Variants in KMT2C observed in about 807,000 individuals in gnomAD.
The protein encoded by KMT2C is lysine methyltransferase 2C.
Under a neutral mutation model 507.9 loss-of-function variants are expected in KMT2C, and 88 were observed. The observed-to-expected ratio is 0.17, with a 90% CI of 0.15 to 0.21. The LOEUF (loss-of-function observed/expected upper bound fraction) is 0.21, where lower values mean the gene tolerates loss of function less well. KMT2C is among the 10% of genes least tolerant of loss of function. The pLI is 1.00. For missense variants in KMT2C, 4,954 were observed against 5,957.8 expected (o/e 0.83, Z 5.55); for synonymous variants, 2,049 against 2,080.8 (o/e 0.98, Z 0.42).
intron 1 of KMT2C, among the ~76,000 whole-genome samples, chr7:152,366,463 A>G (rs1166995352): frequency 6.6e-6 from 1 of 152,216 alleles, no homozygotes; most frequent in Non-Finnish European, 1.5e-5. Flanking sequence ...AACCTTGACA[A>G]CAATCTCCTA....
chr7:152,435,677 C>G lies in KMT2C; in HGVS notation c.110G>C (p.Arg37Pro), dbSNP rs1270352611. 1.3e-6 allele frequency: 2 copies of G among 1,548,406 alleles called. No homozygotes were observed. Among genetic ancestry groups the G allele is most frequent in the Non-Finnish European group, 8.7e-7 (1 of 1,146,768 alleles). Residue 37 changes from arginine to proline, a missense_variant, in exon 1 of 59, where the codon CGG (arginine) becomes CCG (proline). Physicochemically the swap from Arg to Pro is moderately radical, Grantham distance 103. Transcript: ENST00000262189. Reference protein sequence around the residue: ...PSPAAADKRPRGRPRKDGASP... With the variant: ...PSPAAADKRPPGRPRKDGASP... ...AGCGCCATCTTTGCGAGGCCGGCCC[C>G]GAGGTCTTTTGTCTGCGGCTGCGGG...
At chr7:152,248,887 C>T (rs965742291) in intron 13 of KMT2C, among the ~76,000 whole-genome samples, 2 of 152,040 alleles carry the variant, frequency 1.3e-5, no homozygotes, top group South Asian at 2.1e-4. Flanking sequence ...AGTTCTCATA[C>T]TCATTTTTTA....
At chr7:152,427,350 C>A (rs2116768322) in intron 1 of KMT2C, among the ~76,000 whole-genome samples, 1 of 152,232 alleles carries the variant, frequency 6.6e-6, no homozygotes, top group East Asian at 1.9e-4. Context: ...TCTTCCCAAT[C>A]TTTTTATATG....
At chr7:152,189,757 T>C (rs993714187) in intron 31 of KMT2C, among the ~76,000 whole-genome samples, 5 of 152,212 alleles carry the variant, frequency 3.3e-5, no homozygotes, top group Non-Finnish European at 7.3e-5. Context: ...GTTTTCACAA[T>C]GACAAATATC....
chr7:152,313,219 T>C (rs2096689217), intron 4 of KMT2C, among the ~76,000 whole-genome samples: 1 of 151,884 alleles, frequency 6.6e-6, no homozygotes, highest in African/African-American at 2.4e-5. Context: ...CCATTACAAA[T>C]CATTGTTATT....
At chr7:152,210,816 G>A (rs545342978) in intron 23 of KMT2C, among the ~76,000 whole-genome samples, 1 of 152,178 alleles carries the variant, frequency 6.6e-6, no homozygotes, top group Admixed American at 6.5e-5. Flanking sequence ...AACATTCAAA[G>A]GGAGGAAAGA....
chr7:152,226,219 C>CTTTTTTTTTT lies in KMT2C; in HGVS notation c.2977-1613_2977-1604dup, dbSNP rs869076803. Among the ~76,000 whole-genome samples the CTTTTTTTTTT allele has an allele frequency of 1.7e-3, 157 of 94,936 alleles. 9 individuals are homozygous for CTTTTTTTTTT. Among genetic ancestry groups the CTTTTTTTTTT allele is most frequent in the African/African-American group, 4.6e-3 (110 of 23,954 alleles). The allele number at this position is 94,936 out of a possible 152,430, so 62.3% of individuals were successfully genotyped here. On this transcript the variant is annotated intron_variant, in intron 18 of 58. Coordinates refer to ENST00000262189, the MANE Select transcript of KMT2C (RefSeq NM_170606.3). Reference sequence around the variant, plus strand: ...AAGAGTTGGTTGTTCATTACAAGGCCTTTTTTTTTTTTTTTTTTTTTTTTT... The same window carrying CTTTTTTTTTT: ...AAGAGTTGGTTGTTCATTACAAGGCCTTTTTTTTTTTTTTTTTTTTTTTTTTTTTTTTTTT...
rs181511757 is a variant in KMT2C at position 152,213,034 on chromosome 7, C to T, written c.3713-5606G>A. ...CTGCACTTCTGCCTGGGCAACAGAGCGTGACTCTGTCTCAAAAAACAGAAA... is the reference window on the plus strand; with the variant it reads ...CTGCACTTCTGCCTGGGCAACAGAGTGTGACTCTGTCTCAAAAAACAGAAA... On this transcript the variant is annotated intron_variant, in intron 23 of 58. Coordinates refer to ENST00000262189, the MANE Select transcript of KMT2C (RefSeq NM_170606.3). 2.2e-3 allele frequency among the ~76,000 whole-genome samples: 330 copies of T among 152,214 alleles called. 3 individuals carry two copies. The highest frequency in any genetic ancestry group is 7.4e-3 in the East Asian group (38 of 5,170).
In KMT2C at chr7:152,250,835, T is replaced by A. The variant is rs755539745; in HGVS notation, c.1735+18A>T. On this transcript the variant is annotated intron_variant, in intron 12 of 58. Transcript: ENST00000262189. Reference sequence around the variant, plus strand: ...ACATTTTCTTCAAAAACAGAGTATATCCATTAAACATTCTTACCATCTGGA... The same window carrying A: ...ACATTTTCTTCAAAAACAGAGTATAACCATTAAACATTCTTACCATCTGGA... 51 of 1,257,532 alleles carry A rather than the reference T, an allele frequency of 4.1e-5. No individual in the cohort carries two copies. The highest frequency in any genetic ancestry group is 5.6e-5 in the Non-Finnish European group (48 of 859,528). 77.9% of individuals were successfully genotyped at this position (1,257,532 alleles called of 1,614,324 possible).
Position 152,176,321 on chromosome 7 carries a change from C to A in KMT2C, c.9132G>T (p.Arg3044Ser), listed in dbSNP as rs1209588732. The A allele has an allele frequency of 1.9e-6, 3 of 1,614,032 alleles. No individual in the cohort carries two copies. Among genetic ancestry groups the A allele is most frequent in the Non-Finnish European group, 2.5e-6 (3 of 1,180,016 alleles). ...GAGGCTGTTCTTCTAGAAGAAGGGG[C>A]CTCTCTCTATTCTGCTGTGCTAATG... is the stretch of plus-strand genomic sequence containing the variant. The part of the protein sequence containing the change: ...PQTLAQQNRE[R>S]PLLLEEQPLL... The change falls in exon 38 of 59, where the codon AGG (arginine) becomes AGT (serine). Residue 3044 changes from arginine to serine, a missense_variant. This residue lies in a region of KMT2C where 1,689 missense variants were observed against 1,654.3 expected (regional missense o/e 1.02). Transcript: ENST00000262189.
At chr7:152,274,851 C>T (rs1369582596) in intron 6 of KMT2C, among the ~76,000 whole-genome samples, 1 of 152,188 alleles carries the variant, frequency 6.6e-6, no homozygotes, top group East Asian at 1.9e-4. Flanking sequence ...ACCATACTAT[C>T]TTTGTATCCA....
chr7:152,334,707 A>G (rs1334838127), intron 2 of KMT2C, among the ~76,000 whole-genome samples: 1 of 152,162 alleles, frequency 6.6e-6, no homozygotes, highest in Non-Finnish European at 1.5e-5. Context: ...TGGACATGAC[A>G]GCAACCCAGT....
chr7:152,273,775 G>T lies in KMT2C; in HGVS notation c.942C>A (p.Ala314=), dbSNP rs1345270218. 1 of 1,614,086 alleles carries T rather than the reference G, an allele frequency of 6.2e-7. No individual in the cohort carries two copies. Among genetic ancestry groups the T allele is most frequent in the Non-Finnish European group, 8.5e-7 (1 of 1,179,928 alleles). The stretch of plus-strand genomic sequence containing the variant: ...TGTGACTGAAATCCTGAAAGGTGCC[G>T]GCTCCTGCAGCACAAGGATAATGAT... ...QMYHYPCAAG[A]GTFQDFSHIF... is the part of the protein sequence containing the mutation. Residue 314 remains alanine (A), a synonymous_variant, in exon 7 of 59, where the codon GCC becomes GCA. Transcript: ENST00000262189.
At chr7:152,203,334 AAATAAT>A (rs199559976) in intron 25 of KMT2C, among the ~76,000 whole-genome samples, 7 of 151,198 alleles carry the variant, frequency 4.6e-5, no homozygotes, top group South Asian at 2.1e-4. Flanking sequence ...TTAAAGAGTA[AAATAAT>A]AATAATAATA....
intron 6 of KMT2C, among the ~76,000 whole-genome samples, chr7:152,302,951 G>A (rs1408926966): frequency 6.6e-6 from 1 of 151,966 alleles, no homozygotes; most frequent in African/African-American, 2.4e-5. Flanking sequence ...GCCAAGAAAG[G>A]AACTTTAGAT....
At chr7:152,431,643 G>T (rs1278262970) in intron 1 of KMT2C, among the ~76,000 whole-genome samples, 1 of 151,728 alleles carries the variant, frequency 6.6e-6, no homozygotes, top group Non-Finnish European at 1.5e-5. Context: ...TCTTATTCAT[G>T]GGAATTTCAG....
intron 1 of KMT2C, among the ~76,000 whole-genome samples, chr7:152,413,054 A>T (rs62495274): frequency 6.6e-6 from 1 of 152,246 alleles, no homozygotes; most frequent in African/African-American, 2.4e-5. Context: ...GACTAAGAAC[A>T]AACTCTACAC....
At chr7:152,150,844 G>A (rs2091550544) in intron 51 of KMT2C, 56 bp downstream of exon 51, 1 of 1,214,914 alleles carries the variant, frequency 8.2e-7, no homozygotes, top group African/African-American at 1.5e-5. Flanking sequence ...CATATGCCCA[G>A]AACACAGAAG....
chr7:152,346,392 A>T (rs763554487), intron 2 of KMT2C, among the ~76,000 whole-genome samples: 3 of 152,262 alleles, frequency 2.0e-5, no homozygotes, highest in Non-Finnish European at 4.4e-5. Context: ...CTGCTCTCAG[A>T]TCACGTCAGA....
Sources: gnomAD v4.1 joint callset for allele counts (sites outside exome capture counted in the v4.1 genomes callset) on GRCh38, gnomAD v4.1.1 for gene constraint, gnomAD v4.1.1 regional missense constraint, MANE v1.5 for transcripts, NCBI Gene and HGNC (gene_info 2026-07-23, HGNC 2026-07-21) for gene names.